The following STAM2 variants were observed in gnomAD, a reference collection of about 807,000 sequenced individuals.
STAM2 encodes the protein signal transducing adapter molecule 2.
A neutral mutation model predicts 65.6 loss-of-function variants in STAM2; 51 were observed. That is an observed-to-expected ratio of 0.78 (90% CI 0.62 to 0.98). The LOEUF (loss-of-function observed/expected upper bound fraction) is 0.98. STAM2 is among the 50% of genes least tolerant of loss of function. STAM2 has a pLI of 0.00. For synonymous variants in STAM2, 198 were observed against 208.4 expected, an observed-to-expected ratio of 0.95 and a Z score of 0.43; for missense variants, 584 against 617.8, an observed-to-expected ratio of 0.95 and a Z score of 0.58.
At position 152,127,254 on chromosome 2, in the gene STAM2, T is replaced by C. The variant is rs777332999; in HGVS notation, c.1026-875A>G. Among the ~76,000 whole-genome samples the C allele has an allele frequency of 4.6e-5, 7 of 152,202 alleles. No homozygotes were observed. The East Asian group carries it at 7.7e-4, about 17-fold the overall frequency. On this transcript the variant is annotated intron_variant, in intron 11 of 13. Coordinates refer to ENST00000263904, the MANE Select transcript of STAM2 (RefSeq NM_005843.6). ...TTCTTTGTTCAAAATGCTAAGAACA[T>C]GGACAACTTGCAGTCACAATCCTCT...
chr2:152,120,853 G>A (rs1560207884), intron 13 of STAM2, 51 bp from the exon 14 acceptor site: 1 of 1,413,102 alleles, frequency 7.1e-7, no homozygotes, highest in Non-Finnish European at 1.0e-6. Context: ...CAATATATAA[G>A]GTTAGAGATC....
intron 13 of STAM2, among the ~76,000 whole-genome samples, chr2:152,121,592 G>A (rs1688854227): frequency 6.6e-6 from 1 of 152,042 alleles, no homozygotes; most frequent in African/African-American, 2.4e-5. Context: ...CTTTTAAAAG[G>A]AAAACAGCAT....
chr2:152,155,982 G>C (rs1445127277), intron 1 of STAM2, among the ~76,000 whole-genome samples: 2 of 152,078 alleles, frequency 1.3e-5, no homozygotes, highest in Admixed American at 6.5e-5. Flanking sequence ...TATGAGTATG[G>C]ATATGTATGA....
intron 1 of STAM2, among the ~76,000 whole-genome samples, chr2:152,174,604 C>A (rs781691322): frequency 8.5e-5 from 13 of 152,144 alleles, no homozygotes; most frequent in Non-Finnish European, 1.5e-4. Context: ...GGAATTACTG[C>A]TGAGATGTGC....
chr2:152,160,128 T>C (rs1321247804), intron 1 of STAM2, among the ~76,000 whole-genome samples: 1 of 152,194 alleles, frequency 6.6e-6, no homozygotes. Flanking sequence ...GTGCCAAGAT[T>C]GCAGCCTCTG....
rs1689089120 is a variant in STAM2, at chr2:152,132,836, T to C, written c.970+337A>G. On this transcript the variant is annotated intron_variant, in intron 10 of 13. Coordinates refer to ENST00000263904, the MANE Select transcript of STAM2 (RefSeq NM_005843.6). Reference sequence around the variant, plus strand: ...TGTATAATTTTGTCCTTTAAATTCATAATACAAGAACATTAAACAGCAATA... The same window carrying C: ...TGTATAATTTTGTCCTTTAAATTCACAATACAAGAACATTAAACAGCAATA... Among the ~76,000 whole-genome samples, 3 of 152,204 alleles carry C rather than the reference T, an allele frequency of 2.0e-5. No individual in the cohort carries two copies. The South Asian group carries it at 6.2e-4, about 31-fold the overall frequency.
At chr2:152,135,728 A>AT in intron 7 of STAM2, 125 bp from the exon 8 acceptor site, 1 of 615,884 alleles carries the variant, frequency 1.6e-6, no homozygotes, top group Non-Finnish European at 2.8e-6. Context: ...TAATTGAGTC[A>AT]TTTTTCTTAA....
At chr2:152,152,089 C>T (rs900621199) in intron 1 of STAM2, among the ~76,000 whole-genome samples, 3 of 152,102 alleles carry the variant, frequency 2.0e-5, no homozygotes, top group African/African-American at 7.2e-5. Flanking sequence ...TACAGGTGTG[C>T]ACCATCACGC....
chr2:152,164,591 C>T (rs1230193124), intron 1 of STAM2, among the ~76,000 whole-genome samples: 17 of 152,204 alleles, frequency 1.1e-4, no homozygotes, highest in Admixed American at 1.1e-3. Context: ...ATCTGCCCAC[C>T]TTGGCCTCCC....
chr2:152,126,241 A>G lies in STAM2; in HGVS notation c.1164T>C (p.Ser388=). 6.3e-7 allele frequency: 1 copy of G among 1,593,364 alleles called. No homozygotes were observed. The highest frequency in any genetic ancestry group is 8.5e-7 in the Non-Finnish European group (1 of 1,171,030). ...HPPAHYPPAS[S]GVPMQTYPVQ... is the part of the protein sequence containing the mutation. ...ACATGCTCACCTGCATTGGAACCCCAGATGATGCAGGTGGGTAATGTGCTG... is the reference window on the plus strand; with the variant it reads ...ACATGCTCACCTGCATTGGAACCCCGGATGATGCAGGTGGGTAATGTGCTG... The change falls in exon 12 of 14, where the codon TCT becomes TCC. Residue 388 remains serine, a synonymous_variant. Transcript: ENST00000263904.
intron 11 of STAM2, chr2:152,131,832 C>T (rs569000101): frequency 2.2e-5 from 8 of 363,802 alleles, no homozygotes; most frequent in African/African-American, 1.7e-4. Flanking sequence ...ATCACTGATC[C>T]AGGCAGTTCT....
chr2:152,117,496 G>C lies in STAM2; in HGVS notation c.*3078C>G, dbSNP rs1239079536. ...TTTTAGAAATATACTTTTAATTTTT[G>C]AAAGAAAATTAAACCAAACAAAAAT... On this transcript the variant is annotated 3_prime_UTR_variant, in exon 14 of 14. Coordinates refer to ENST00000263904, the MANE Select transcript of STAM2 (RefSeq NM_005843.6). 2 of 152,046 alleles carry C rather than the reference G, an allele frequency of 1.3e-5. No individual in the cohort carries two copies. Among genetic ancestry groups the C allele is most frequent in the African/African-American group, 4.8e-5 (2 of 41,392 alleles). 9.4% of individuals were successfully genotyped at this position (152,046 alleles called of 1,614,324 possible).
chr2:152,155,438 T>C (rs138544935), intron 1 of STAM2, among the ~76,000 whole-genome samples: 102 of 152,318 alleles, frequency 6.7e-4, no homozygotes, highest in African/African-American at 2.3e-3. Flanking sequence ...CAAACTTCAA[T>C]AGCAACACCA....
intron 11 of STAM2, 91 bp from the exon 12 acceptor site, chr2:152,126,470 A>ATTAATATAAAAAAGCCTT: frequency 1.3e-6 from 1 of 778,570 alleles, no homozygotes; most frequent in Non-Finnish European, 1.8e-6. Flanking sequence ...CACAATTTCT[A>ATTAATATAAAAAAGCCTT]TTAATATATT....
chr2:152,147,876 A>C (rs1460269370), intron 4 of STAM2, 148 bp downstream of exon 4: 3 of 671,604 alleles, frequency 4.5e-6, no homozygotes, highest in East Asian at 5.6e-5. Flanking sequence ...CTACACATTA[A>C]AAAATCAAAT....
intron 1 of STAM2, among the ~76,000 whole-genome samples, chr2:152,160,941 C>G (rs925399891): frequency 6.6e-6 from 1 of 152,036 alleles, no homozygotes; most frequent in African/African-American, 2.4e-5. Context: ...TGCCCAGCCG[C>G]CCCTACTGGG....
At position 152,175,747 on chromosome 2, in the gene STAM2, C is replaced by G; in HGVS notation, c.-105G>C. On this transcript the variant is annotated 5_prime_UTR_variant, in exon 1 of 14. Transcript: ENST00000263904. ...GGCTCCCTAGACCGCTCCGCTTCGG[C>G]CTCCGTCCCTGCACTTCCGCCACCG... is the stretch of plus-strand genomic sequence containing the variant. 7.9e-7 allele frequency: 1 copy of G among 1,267,996 alleles called. No homozygotes were observed. Among genetic ancestry groups the G allele is most frequent in the African/African-American group, 1.5e-5 (1 of 67,830 alleles). 78.5% of individuals were successfully genotyped at this position (1,267,996 alleles called of 1,614,324 possible). A position where few individuals can be genotyped will look rare whatever the true frequency, so the allele number is the denominator to read the frequency against.
chr2:152,142,686 C>T (rs1205022273), intron 7 of STAM2, among the ~76,000 whole-genome samples: 2 of 151,926 alleles, frequency 1.3e-5, no homozygotes, highest in Non-Finnish European at 2.9e-5. Flanking sequence ...ATGATTTTGC[C>T]CAACTGTAGG....
chr2:152,153,885 T>TACACAC (rs70974824), intron 1 of STAM2, among the ~76,000 whole-genome samples: 20,528 of 144,762 alleles, frequency 0.14, 1,562 homozygotes, highest in Middle Eastern at 0.26. Flanking sequence ...AGACATTACA[T>TACACAC]ACACACACAC....
Sources: allele counts gnomAD v4.1 joint callset (sites outside exome capture counted in the v4.1 genomes callset), GRCh38; gene constraint gnomAD v4.1.1; transcripts MANE v1.5; gene names NCBI Gene and HGNC (gene_info 2026-07-23, HGNC 2026-07-21).